The following CASQ2 variants were observed in gnomAD, a reference collection of about 807,000 sequenced individuals.
CASQ2 encodes the protein calsequestrin-2.
CASQ2 carries 49 observed loss-of-function variants against 46.5 expected under a neutral mutation model. The observed-to-expected ratio is 1.05, with a 90% CI of 0.84 to 1.34. The LOEUF (loss-of-function observed/expected upper bound fraction) is 1.34. CASQ2 is among the 40% of genes most tolerant of loss of function. The probability of loss-of-function intolerance (pLI) is 0.00; values close to 1 mark genes in which losing one functional copy is unlikely to be tolerated. For missense variants in CASQ2, 486 were observed against 481.3 expected (o/e 1.01, Z -0.09); for synonymous variants, 174 against 168.5 (o/e 1.03, Z -0.25).
At position 115,729,035 on chromosome 1, in the gene CASQ2, C is replaced by CTT. The variant is rs753965730; in HGVS notation, c.607-1915_607-1914dup. On this transcript the variant is annotated intron_variant, in intron 5 of 10. Coordinates refer to ENST00000261448, the MANE Select transcript of CASQ2 (RefSeq NM_001232.4). The stretch of plus-strand genomic sequence containing the variant: ...TCTCAGAGAATCCCTCTCTTTCATT[C>CTT]TTTTTTTTTTTTTTTTTTTTTTTTT... 2.4e-3 allele frequency among the ~76,000 whole-genome samples: 164 copies of CTT among 68,862 alleles called. 17 individuals carry two copies. The highest frequency in any genetic ancestry group is 5.0e-3 in the African/African-American group (78 of 15,728). 45.2% of individuals were successfully genotyped at this position (68,862 alleles called of 152,430 possible).
intron 2 of CASQ2, among the ~76,000 whole-genome samples, chr1:115,741,699 C>T (rs941750629): frequency 6.6e-6 from 1 of 152,170 alleles, no homozygotes; most frequent in African/African-American, 2.4e-5. Flanking sequence ...ACAGGCTCAG[C>T]GTCTTCTTAT....
chr1:115,739,496 T>A (rs1167931091), intron 3 of CASQ2, among the ~76,000 whole-genome samples: 2 of 152,118 alleles, frequency 1.3e-5, no homozygotes, highest in Non-Finnish European at 2.9e-5. Context: ...AGTTATTGAT[T>A]CAGGAATGGG....
chr1:115,702,959 G>A lies in CASQ2; in HGVS notation c.976C>T (p.Leu326=). The stretch of plus-strand genomic sequence containing the variant: ...ACCACCCCAATCTGTGGCCTGAATA[G>A]GTCAATCTTGAAAGTCTTCTCCCAG... ...AYWEKTFKID[L]FRPQIGVVNV... The change falls in exon 10 of 11, where the codon CTA becomes TTA. Residue 326 remains leucine (L), a synonymous_variant. Transcript: ENST00000261448. 6.2e-7 allele frequency: 1 copy of A among 1,613,638 alleles called. No homozygotes were observed. Among genetic ancestry groups the A allele is most frequent in the East Asian group, 2.2e-5 (1 of 44,876 alleles).
At position 115,727,048 on chromosome 1, in the gene CASQ2, G is replaced by A. The variant is rs769189583; in HGVS notation, c.681C>T (p.Ile227=). Residue 227 remains isoleucine (I), a synonymous_variant, in exon 6 of 11, where the codon ATC becomes ATT. Transcript: ENST00000261448. ...YEPFMDEPIA[I]PNKPYTEEEL... Reference sequence around the variant, plus strand: ...CCTCTTCTGTGTAAGGTTTGTTGGGGATGGCAATGGGCTCATCCATAAATG... The same window carrying A: ...CCTCTTCTGTGTAAGGTTTGTTGGGAATGGCAATGGGCTCATCCATAAATG... 29 of 1,613,702 alleles carry A rather than the reference G, an allele frequency of 1.8e-5. 1 individual carries two copies. In the South Asian group the frequency reaches 3.1e-4, roughly 17 times the overall value.
At chr1:115,720,029 A>G (rs573866200) in intron 7 of CASQ2, among the ~76,000 whole-genome samples, 18 of 152,276 alleles carry the variant, frequency 1.2e-4, no homozygotes, top group African/African-American at 4.1e-4. Flanking sequence ...ATCTCATAAG[A>G]AAGTCTTATT....
intron 1 of CASQ2, among the ~76,000 whole-genome samples, chr1:115,748,483 G>C (rs1648462231): frequency 6.6e-6 from 1 of 152,058 alleles, no homozygotes; most frequent in Non-Finnish European, 1.5e-5. Flanking sequence ...AGGGGTGGGA[G>C]TGGAATGGCA....
intron 2 of CASQ2, among the ~76,000 whole-genome samples, chr1:115,743,368 C>T (rs957557916): frequency 6.6e-6 from 1 of 152,034 alleles, no homozygotes; most frequent in Non-Finnish European, 1.5e-5. Context: ...CCCAGCCTCC[C>T]AAGTAGCTGG....
intron 10 of CASQ2, 27 bp from the exon 11 acceptor site, chr1:115,701,453 T>C: frequency 6.9e-7 from 1 of 1,458,162 alleles, no homozygotes; most frequent in Middle Eastern, 1.7e-4. Flanking sequence ...AATGAATGAG[T>C]GGGTAAATGC....
intron 8 of CASQ2, among the ~76,000 whole-genome samples, chr1:115,712,853 C>CAAAA (rs1349796492): frequency 2.5e-5 from 3 of 117,844 alleles, no homozygotes; most frequent in East Asian, 2.4e-4. Flanking sequence ...GAGACTGCCT[C>CAAAA]AAAAAAAAAA....
At chr1:115,709,439 C>A (rs1386644442) in intron 8 of CASQ2, among the ~76,000 whole-genome samples, 1 of 152,144 alleles carries the variant, frequency 6.6e-6, no homozygotes, top group Non-Finnish European at 1.5e-5. Context: ...CCTTTCAAGA[C>A]TATGGTCATG....
chr1:115,725,527 T>C lies in CASQ2; in HGVS notation c.764A>G (p.Glu255Gly), dbSNP rs765517257. ...TCTTACCCATGTTTCAAACATTTCT[T>C]CTGGGCGCAGGCGACGTAGAGTGGG... ...QRPTLRRLRPEEMFETWEDDL... is the reference protein window; with the variant it reads ...QRPTLRRLRPGEMFETWEDDL... Residue 255 changes from glutamate to glycine, a missense_variant, in exon 7 of 11, where the codon GAA (glutamate) becomes GGA (glycine). Transcript: ENST00000261448. 2 of 1,607,882 alleles carry C rather than the reference T, an allele frequency of 1.2e-6. No individual in the cohort carries two copies. Among genetic ancestry groups the C allele is most frequent in the East Asian group, 2.2e-5 (1 of 44,662 alleles).
chr1:115,736,475 A>G (rs1401792682), intron 4 of CASQ2, among the ~76,000 whole-genome samples: 1 of 151,766 alleles, frequency 6.6e-6, no homozygotes, highest in Non-Finnish European at 1.5e-5. Context: ...CGTCTCTACT[A>G]AAAACACTAA....
At chr1:115,707,502 G>A (rs1654400090) in intron 8 of CASQ2, among the ~76,000 whole-genome samples, 1 of 152,050 alleles carries the variant, frequency 6.6e-6, no homozygotes, top group African/African-American at 2.4e-5. Flanking sequence ...TGGGGGTGAG[G>A]TGGGGTAGGG....
intron 1 of CASQ2, among the ~76,000 whole-genome samples, chr1:115,763,019 C>T (rs1192185341): frequency 3.3e-5 from 5 of 152,178 alleles, no homozygotes; most frequent in East Asian, 1.9e-4. Context: ...GTTTTTGAGT[C>T]GCAAGCAGTT....
intron 1 of CASQ2, among the ~76,000 whole-genome samples, chr1:115,760,095 A>G (rs1378638906): frequency 6.6e-6 from 1 of 152,152 alleles, no homozygotes; most frequent in African/African-American, 2.4e-5. Flanking sequence ...CTGAGTCCCA[A>G]ATCAGATATG....
In CASQ2 at chr1:115,700,780, G is replaced by A. The variant is rs995834610; in HGVS notation, c.*461C>T. On this transcript the variant is annotated 3_prime_UTR_variant, in exon 11 of 11. Coordinates refer to ENST00000261448, the MANE Select transcript of CASQ2 (RefSeq NM_001232.4). ...GGCTGGAGGAGGGATCCCAACTGAT[G>A]TTCGAGGTATGGAGGGAGCTAAATC... 1 of 451,718 alleles carries A rather than the reference G, an allele frequency of 2.2e-6. No homozygotes were observed. The highest frequency in any genetic ancestry group is 2.0e-5 in the African/African-American group (1 of 50,994). The allele number at this position is 451,718 out of a possible 1,614,324, so 28.0% of individuals were successfully genotyped here.
At position 115,701,255 on chromosome 1, in the gene CASQ2, C is replaced by T. The variant is rs368007942; in HGVS notation, c.1186G>A (p.Asp396Asn). Residue 396 changes from aspartate to asparagine, a missense_variant, in exon 11 of 11, where the codon GAT becomes AAT. Physicochemically the swap from Asp to Asn is conservative, Grantham distance 23. Transcript: ENST00000261448. ...TTGGAGTTGGGCTATTCATCATCAT[C>T]GTCATCACTGTCATCATTATCCTCT... ...DEEDNDDSDD[D>N]DDE 8.9e-5 allele frequency: 137 copies of T among 1,541,878 alleles called. No homozygotes were observed. Among genetic ancestry groups the T allele is most frequent in the Non-Finnish European group, 6.8e-5 (77 of 1,129,274 alleles).
At chr1:115,732,576 C>T (rs1175682661) in intron 5 of CASQ2, among the ~76,000 whole-genome samples, 5 of 152,212 alleles carry the variant, frequency 3.3e-5, no homozygotes, top group African/African-American at 1.2e-4. Context: ...AGAGGATACC[C>T]CCTAAGGAAA....
chr1:115,701,500 A>G (rs747314873), intron 10 of CASQ2, 74 bp from the exon 11 acceptor site: 4 of 962,164 alleles, frequency 4.2e-6, no homozygotes, highest in Admixed American at 1.8e-5. Context: ...GCCGTGCTGA[A>G]TAGCTATGCT....
Sources: allele counts gnomAD v4.1 joint callset (sites outside exome capture counted in the v4.1 genomes callset), GRCh38; gene constraint gnomAD v4.1.1; transcripts MANE v1.5; gene names NCBI Gene and HGNC (gene_info 2026-07-23, HGNC 2026-07-21).